RAD54B: variants seen among roughly 807,000 people sequenced by gnomAD.
The protein encoded by RAD54B is RAD54 homolog B, also known as DNA repair and recombination protein RAD54B.
Under a neutral mutation model 95.8 loss-of-function variants are expected in RAD54B, and 78 were observed. The observed-to-expected ratio is 0.81, with a 90% CI of 0.68 to 0.98. The LOEUF (loss-of-function observed/expected upper bound fraction) is 0.98, where lower values mean the gene tolerates loss of function less well. Among genes scored for constraint, RAD54B ranks in the 50% least tolerant of loss-of-function variants. The pLI, the probability that RAD54B is intolerant of heterozygous loss-of-function variation, is 0.00. For synonymous variants in RAD54B, 328 were observed against 354.9 expected (o/e 0.92, Z 0.85); for missense variants, 957 against 1,056.6 (o/e 0.91, Z 1.31).
intron 3 of RAD54B, chr8:94,429,535 C>G (rs1812032935): frequency 4.1e-6 from 4 of 984,368 alleles, no homozygotes; most frequent in Admixed American, 6.2e-5. Context: ...CATGCTGAAA[C>G]TGTAAAGTGA....
chr8:94,379,554 A>G, intron 12 of RAD54B, among the ~76,000 whole-genome samples: 1 of 152,174 alleles, frequency 6.6e-6, no homozygotes, highest in Admixed American at 6.5e-5. Flanking sequence ...ATGTAACATA[A>G]CTGTGAGTAT....
intron 3 of RAD54B, among the ~76,000 whole-genome samples, chr8:94,438,396 C>T (rs190962531): frequency 3.3e-5 from 5 of 152,272 alleles, no homozygotes. Context: ...TGAGCAGTTT[C>T]ACAGCTCTGT....
intron 11 of RAD54B, among the ~76,000 whole-genome samples, chr8:94,384,720 AT>A (rs1302267195): frequency 2.6e-5 from 4 of 152,210 alleles, no homozygotes. Flanking sequence ...TCTTCAGATA[AT>A]GTGAAGCAAC....
At chr8:94,432,696 T>C (rs1414773125) in intron 3 of RAD54B, 6 of 1,414,172 alleles carry the variant, frequency 4.2e-6, no homozygotes, top group Admixed American at 3.0e-5. Context: ...GTAAATCAAA[T>C]GAAGAAAAAG....
chr8:94,416,915 A>G (rs1811686606), intron 3 of RAD54B, among the ~76,000 whole-genome samples: 1 of 152,208 alleles, frequency 6.6e-6, no homozygotes, highest in Admixed American at 6.5e-5. Flanking sequence ...ATATGTCCAC[A>G]AAAAAACTTG....
intron 4 of RAD54B, 114 bp downstream of exon 4, chr8:94,411,007 C>CTCATGATAAGGT (rs1811514351): frequency 1.7e-5 from 12 of 727,268 alleles, no homozygotes; most frequent in Middle Eastern, 4.0e-4. Context: ...CATGAACATC[C>CTCATGATAAGGT]ATTAAAGAAT....
intron 14 of RAD54B, among the ~76,000 whole-genome samples, chr8:94,374,384 C>T (rs1278174466): frequency 6.6e-6 from 1 of 151,712 alleles, no homozygotes; most frequent in Non-Finnish European, 1.5e-5. Context: ...ACCAAGAGTT[C>T]GCCAGTATTA....
At chr8:94,412,689 A>T (rs1811556942) in intron 3 of RAD54B, among the ~76,000 whole-genome samples, 2 of 151,938 alleles carry the variant, frequency 1.3e-5, no homozygotes, top group Non-Finnish European at 2.9e-5. Flanking sequence ...AAATGAAGTA[A>T]TTTTTTTTCC....
intron 9 of RAD54B, 96 bp from the exon 10 acceptor site, chr8:94,391,995 T>C (rs970759395): frequency 3.2e-5 from 38 of 1,171,120 alleles, no homozygotes; most frequent in Non-Finnish European, 3.9e-5. Context: ...CATTTACTCA[T>C]TGCTTCCCAA....
intron 2 of RAD54B, 111 bp from the exon 3 acceptor site, chr8:94,458,547 A>G (rs1812830617): frequency 4.0e-6 from 3 of 759,450 alleles, no homozygotes; most frequent in African/African-American, 1.8e-5. Flanking sequence ...GGTTATATAT[A>G]TAAACTAGAA....
chr8:94,375,433 G>C (rs952095863), intron 14 of RAD54B, among the ~76,000 whole-genome samples: 1 of 152,070 alleles, frequency 6.6e-6, no homozygotes, highest in Non-Finnish European at 1.5e-5. Flanking sequence ...TTTAAAAATG[G>C]GAATTGCCCT....
chr8:94,439,150 C>A (rs1176365583), intron 3 of RAD54B, among the ~76,000 whole-genome samples: 1 of 151,994 alleles, frequency 6.6e-6, no homozygotes, highest in Non-Finnish European at 1.5e-5. Context: ...AAAGAGTACT[C>A]TTCTGTACCA....
intron 3 of RAD54B, among the ~76,000 whole-genome samples, chr8:94,422,012 GTCT>G (rs1811817487): frequency 1.3e-5 from 2 of 152,236 alleles, no homozygotes; most frequent in Non-Finnish European, 2.9e-5. Flanking sequence ...ACTTTTACCT[GTCT>G]TCTTCTAATG....
intron 3 of RAD54B, among the ~76,000 whole-genome samples, chr8:94,422,446 G>C (rs1390621988): frequency 6.6e-6 from 1 of 150,550 alleles, no homozygotes; most frequent in Admixed American, 6.6e-5. Flanking sequence ...AATTAGCCAG[G>C]CATGGTAGTA....
chr8:94,473,727 T>C (rs530417635), intron 1 of RAD54B, among the ~76,000 whole-genome samples: 1 of 152,312 alleles, frequency 6.6e-6, no homozygotes, highest in East Asian at 1.9e-4. Flanking sequence ...GATGCAAGAA[T>C]GTAAGTACAC....
Position 94,390,600 on chromosome 8 carries a change from T to TATATATAC in RAD54B, c.1809+1001_1809+1008dup, listed in dbSNP as rs1016216247. Among the ~76,000 whole-genome samples, 12 of 147,840 alleles carry TATATATAC rather than the reference T, an allele frequency of 8.1e-5. No homozygotes were observed. In the Admixed American group the frequency reaches 8.1e-4, roughly 10 times the overall value. On this transcript the variant is annotated intron_variant, in intron 10 of 14. Coordinates refer to ENST00000336148, the MANE Select transcript of RAD54B (RefSeq NM_012415.3). ...TTATATATAGAGATTTTATATATAA[T>TATATATAC]ATATATACATATATACATATATATC...
intron 3 of RAD54B, among the ~76,000 whole-genome samples, chr8:94,450,025 A>G (rs1388715026): frequency 2.0e-5 from 3 of 152,132 alleles, no homozygotes; most frequent in Non-Finnish European, 4.4e-5. Flanking sequence ...AACAATGCTC[A>G]TACGCCCAAA....
chr8:94,402,636 TA>T (rs1431620705), intron 6 of RAD54B, among the ~76,000 whole-genome samples: 1 of 152,298 alleles, frequency 6.6e-6, no homozygotes, highest in African/African-American at 2.4e-5. Flanking sequence ...AATGGTCCCA[TA>T]TACTGCCAGT....
chr8:94,464,543 GA>G (rs1310523829), intron 2 of RAD54B, among the ~76,000 whole-genome samples: 1 of 152,158 alleles, frequency 6.6e-6, no homozygotes, highest in Non-Finnish European at 1.5e-5. Flanking sequence ...AGAGAAAACT[GA>G]TATTTCAGCA....
Sources: gnomAD v4.1 joint callset for allele counts (sites outside exome capture counted in the v4.1 genomes callset) on GRCh38, gnomAD v4.1.1 for gene constraint, MANE v1.5 for transcripts, NCBI Gene and HGNC (gene_info 2026-07-23, HGNC 2026-07-21) for gene names.